Variants in TBXAS1 observed in about 807,000 individuals in gnomAD.
TBXAS1 encodes the protein thromboxane A synthase 1, also known as thromboxane-A synthase.
A neutral mutation model predicts 60.7 loss-of-function variants in TBXAS1; 48 were observed. The ratio of observed to expected loss-of-function variants is 0.79; its 90% CI spans 0.63 to 1.01. TBXAS1 has a LOEUF of 1.01. Among genes scored for constraint, TBXAS1 ranks in the 50% least tolerant of loss-of-function variants. The pLI, the probability that TBXAS1 is intolerant of heterozygous loss-of-function variation, is 0.00. For synonymous variants in TBXAS1, 287 were observed against 269.7 expected (o/e 1.06, Z -0.63); for missense variants, 685 against 686.3 (o/e 1.00, Z 0.02).
chr7:139,907,475 T>G (rs1255134661), intron 3 of TBXAS1, among the ~76,000 whole-genome samples: 7 of 152,176 alleles, frequency 4.6e-5, no homozygotes, highest in Non-Finnish European at 8.8e-5. Context: ...TCTATACTTT[T>G]CTTGTAGTAT....
intron 4 of TBXAS1, among the ~76,000 whole-genome samples, chr7:139,791,633 A>G (rs1399647999): frequency 6.6e-6 from 1 of 152,176 alleles, no homozygotes; most frequent in Admixed American, 6.5e-5. Context: ...AATATTTATA[A>G]AAAGAAATGT....
chr7:139,938,857 G>C (rs1025434098), intron 5 of TBXAS1, among the ~76,000 whole-genome samples: 1 of 152,240 alleles, frequency 6.6e-6, no homozygotes, highest in African/African-American at 2.4e-5. Context: ...AGGTTTAGCA[G>C]TCCTGGGCTA....
chr7:139,794,008 G>C (rs1010394121), intron 4 of TBXAS1, among the ~76,000 whole-genome samples: 3 of 152,082 alleles, frequency 2.0e-5, no homozygotes, highest in African/African-American at 7.2e-5. Context: ...ATTTCTTAAA[G>C]AAAATGCATC....
At chr7:139,972,252 T>C (rs1280078986) in intron 9 of TBXAS1, among the ~76,000 whole-genome samples, 9 of 152,236 alleles carry the variant, frequency 5.9e-5, no homozygotes, top group Non-Finnish European at 1.3e-4. Flanking sequence ...GTCTTTCATG[T>C]AGCAAATCAG....
At chr7:139,927,498 T>C (rs1401172609) in intron 4 of TBXAS1, among the ~76,000 whole-genome samples, 5 of 152,112 alleles carry the variant, frequency 3.3e-5, no homozygotes, top group Non-Finnish European at 7.4e-5. Flanking sequence ...TCTTGAAAAG[T>C]TGTTGTAGTT....
At chr7:139,924,941 A>C (rs1569514313) in intron 4 of TBXAS1, among the ~76,000 whole-genome samples, 1 of 151,928 alleles carries the variant, frequency 6.6e-6, no homozygotes, top group Non-Finnish European at 1.5e-5. Flanking sequence ...TCTTCTTGGC[A>C]CCTTTGTGAA....
chr7:139,945,540 G>C (rs2117257431), intron 5 of TBXAS1, among the ~76,000 whole-genome samples: 1 of 152,212 alleles, frequency 6.6e-6, no homozygotes, highest in African/African-American at 2.4e-5. Context: ...CATCACACAG[G>C]TATTTCTAGA....
At chr7:140,012,494 G>A (rs1040895029) in intron 10 of TBXAS1, among the ~76,000 whole-genome samples, 6 of 148,438 alleles carry the variant, frequency 4.0e-5, no homozygotes, top group Admixed American at 6.7e-5. Context: ...ACGGAGTCTC[G>A]CTCTGTCGCT....
chr7:139,797,999 C>T (rs1041735789), intron 4 of TBXAS1, among the ~76,000 whole-genome samples: 1 of 152,176 alleles, frequency 6.6e-6, no homozygotes, highest in African/African-American at 2.4e-5. Context: ...GCCTGGGGGT[C>T]GCCATTGTGT....
intron 5 of TBXAS1, among the ~76,000 whole-genome samples, chr7:139,949,607 T>C (rs1250546020): frequency 6.6e-6 from 1 of 152,230 alleles, no homozygotes; most frequent in Non-Finnish European, 1.5e-5. Context: ...TGATGGATTA[T>C]TAAATCGATG....
chr7:139,783,832 C>T (rs569584078), intron 3 of TBXAS1, among the ~76,000 whole-genome samples: 2 of 152,260 alleles, frequency 1.3e-5, no homozygotes, highest in South Asian at 2.1e-4. Context: ...AGGACTGACT[C>T]TTTGCTCTGA....
At chr7:139,861,508 GCCTCCCAAAGTGCTAGGAT>G (rs2116722189) in intron 1 of TBXAS1, among the ~76,000 whole-genome samples, 1 of 150,776 alleles carries the variant, frequency 6.6e-6, no homozygotes, top group African/African-American at 2.4e-5. Flanking sequence ...CTTTGCCTTG[GCCTCCCAAAGTGCTAGGAT>G]TACAGGAGCG....
chr7:139,956,742 C>T (rs1431170254), intron 7 of TBXAS1, among the ~76,000 whole-genome samples: 1 of 152,250 alleles, frequency 6.6e-6, no homozygotes, highest in Non-Finnish European at 1.5e-5. Flanking sequence ...TTGGAGGCAG[C>T]GCAGGCTGTG....
chr7:139,784,224 T>TTC (rs369608853), intron 3 of TBXAS1, among the ~76,000 whole-genome samples: 33 of 149,010 alleles, frequency 2.2e-4, no homozygotes, highest in African/African-American at 4.0e-4. Context: ...CTTTCATTCT[T>TTC]TCTCTCTCTC....
rs1800894733 is a variant in TBXAS1, at chr7:139,860,627, G to A, written c.90-11608G>A. Among the ~76,000 whole-genome samples, 2 of 152,184 alleles carry A rather than the reference G, an allele frequency of 1.3e-5. 1 individual carries two copies. Among genetic ancestry groups the A allele is most frequent in the South Asian group, 4.1e-4 (2 of 4,830 alleles). On this transcript the variant is annotated intron_variant, in intron 1 of 12. Transcript: ENST00000448866. ...TTGTCAGAGCGAGAGAAGGCAGTGT[G>A]AGGACTGGAAGCAGAACTGGAAGGT...
intron 1 of TBXAS1, among the ~76,000 whole-genome samples, chr7:139,836,029 G>C (rs1799032644): frequency 7.1e-6 from 1 of 140,786 alleles, no homozygotes; most frequent in Admixed American, 7.5e-5. Context: ...TTTTACAATA[G>C]CTGCAAAAAT....
At chr7:140,003,328 A>G (rs1200440799) in intron 9 of TBXAS1, among the ~76,000 whole-genome samples, 1 of 151,790 alleles carries the variant, frequency 6.6e-6, no homozygotes, top group Non-Finnish European at 1.5e-5. Context: ...CTCAGCCTCC[A>G]GGGTGGCTGG....
At chr7:139,796,757 T>C (rs1797582961) in intron 4 of TBXAS1, among the ~76,000 whole-genome samples, 1 of 152,240 alleles carries the variant, frequency 6.6e-6, no homozygotes, top group South Asian at 2.1e-4. Context: ...GAAATGCTGT[T>C]TTCTGCTCAT....
chr7:139,905,001 TTCTC>T (rs201883190), intron 3 of TBXAS1, among the ~76,000 whole-genome samples: 7,441 of 95,188 alleles, frequency 0.078, 253 homozygotes, highest in African/African-American at 0.15. Flanking sequence ...CTTTCTCTCT[TTCTC>T]TCTTTCTTTC....
Sources: allele counts gnomAD v4.1 joint callset (sites outside exome capture counted in the v4.1 genomes callset), GRCh38; gene constraint gnomAD v4.1.1; transcripts MANE v1.5; gene names NCBI Gene and HGNC (gene_info 2026-07-23, HGNC 2026-07-21).